HHIPL1: variants seen among roughly 807,000 people sequenced by gnomAD.
HHIPL1 encodes HHIP like 1.
In HHIPL1, 43 loss-of-function variants were observed where a neutral mutation model predicts 61.8. The observed-to-expected ratio is 0.70, with a 90% confidence interval of 0.55 to 0.90. The LOEUF (loss-of-function observed/expected upper bound fraction) is 0.90, where lower values mean the gene tolerates loss of function less well. HHIPL1 is among the 40% of genes least tolerant of loss of function. The probability of loss-of-function intolerance (pLI) is 0.00; values close to 1 mark genes in which losing one functional copy is unlikely to be tolerated. For synonymous variants in HHIPL1, 482 were observed against 515.8 expected, an observed-to-expected ratio of 0.93 and a Z score of 0.89; for missense variants, 1,056 against 1,157.7, an observed-to-expected ratio of 0.91 and a Z score of 1.28.
chr14:99,606,277 G>C, the HHIPL1 span, among the ~76,000 whole-genome samples: 1 of 152,186 alleles, frequency 6.6e-6, no homozygotes, highest in Non-Finnish European at 1.5e-5. Context: ...TGCTCTGCTG[G>C]TCCAGCACAG....
the HHIPL1 span, among the ~76,000 whole-genome samples, chr14:99,638,025 G>A: frequency 6.6e-6 from 1 of 152,228 alleles, no homozygotes; most frequent in Non-Finnish European, 1.5e-5. Context: ...GTGGTCAAAT[G>A]TTAGCACGGG....
rs1473964875 is a variant in HHIPL1 at position 99,659,493 on chromosome 14, G to T, written c.1112G>T (p.Gly371Val). ...CGTAAGGAGCGCGGCCTGCCCTACG[G>T]CATCCCGCCCGACAACCCGTTCGTG... is the stretch of plus-strand genomic sequence containing the variant. ...VDRKERGLPYGIPPDNPFVGD... is the reference protein window; with the variant it reads ...VDRKERGLPYVIPPDNPFVGD... The change falls in exon 4 of 9, where the codon GGC becomes GTC. Residue 371 changes from glycine to valine, a missense_variant. By Grantham distance (109) the Gly-to-Val change is moderately radical. Coordinates refer to ENST00000330710, the MANE Select transcript of HHIPL1 (RefSeq NM_001127258.3). The T allele has an allele frequency of 6.5e-7, 1 of 1,539,136 alleles. No homozygotes were observed. Among genetic ancestry groups the T allele is most frequent in the Non-Finnish European group, 8.7e-7 (1 of 1,147,482 alleles).
At chr14:99,610,712 G>C in the HHIPL1 span, among the ~76,000 whole-genome samples, 2 of 152,042 alleles carry the variant, frequency 1.3e-5, no homozygotes, top group African/African-American at 2.4e-5. Flanking sequence ...AGTGAGCAGA[G>C]ATCATGCCAC....
At chr14:99,647,624 C>T (rs528600021) in intron 1 of HHIPL1, among the ~76,000 whole-genome samples, 3 of 152,286 alleles carry the variant, frequency 2.0e-5, no homozygotes, top group Non-Finnish European at 2.9e-5. Flanking sequence ...TTAGAGACGG[C>T]GGCTGAGGCT....
chr14:99,646,823 ATATG>A (rs1566804803), intron 1 of HHIPL1, among the ~76,000 whole-genome samples: 578 of 66,600 alleles, frequency 8.7e-3, no homozygotes, highest in East Asian at 0.015. Flanking sequence ...ATATGATATG[ATATG>A]ATATGATATA....
chr14:99,662,786 CATGGATGGATGG>C lies in HHIPL1; in HGVS notation c.1503-75_1503-64del, dbSNP rs370684067. 6.6e-6 allele frequency: 8 copies of C among 1,213,248 alleles called. No homozygotes were observed. The African/African-American group carries it at 1.1e-4, about 16-fold the overall frequency. 75.2% of individuals were successfully genotyped at this position (1,213,248 alleles called of 1,614,324 possible). On this transcript the variant is annotated intron_variant, in intron 5 of 8. Transcript: ENST00000330710. Reference sequence around the variant, plus strand: ...GGAAGAAGGGAGGGAGGAATGGATACATGGATGGATGGATGGATGGATGGATTGGTGGGTAGG... The same window carrying C: ...GGAAGAAGGGAGGGAGGAATGGATACATGGATGGATGGATTGGTGGGTAGG...
Position 99,660,554 on chromosome 14 carries a change from C to A in HHIPL1, c.1502+148C>A. On this transcript the variant is annotated intron_variant, in intron 5 of 8. Coordinates refer to ENST00000330710, the MANE Select transcript of HHIPL1 (RefSeq NM_001127258.3). This position sits in a 1 kb window ranked among gnomAD's most constrained non-coding sequence, Gnocchi z 4.9. ...GGGCCCCTAGGTGTGGGCCGGACAC[C>A]CGCATCCACCCGCTTTTCTCCTGAG... The A allele has an allele frequency of 1.1e-6, 1 of 885,210 alleles. No individual in the cohort carries two copies. The highest frequency in any genetic ancestry group is 1.7e-6 in the Non-Finnish European group (1 of 572,018). 54.8% of individuals were successfully genotyped at this position (885,210 alleles called of 1,614,324 possible).
At chr14:99,621,857 A>C in the HHIPL1 span, among the ~76,000 whole-genome samples, 2 of 151,538 alleles carry the variant, frequency 1.3e-5, no homozygotes, top group East Asian at 3.9e-4. Context: ...CTGGGACCAC[A>C]GGTACGTGCC....
chr14:99,653,821 T>C (rs2055981015), intron 2 of HHIPL1, among the ~76,000 whole-genome samples: 1 of 152,218 alleles, frequency 6.6e-6, no homozygotes, highest in Admixed American at 6.5e-5. Context: ...CTAAGTCCAG[T>C]AGGAAATAAA....
chr14:99,665,612 G>A (rs922435679), intron 6 of HHIPL1, among the ~76,000 whole-genome samples: 2 of 152,116 alleles, frequency 1.3e-5, no homozygotes, highest in African/African-American at 4.8e-5. Context: ...TTTTTAAATA[G>A]TTTGTAGAGA....
the HHIPL1 span, among the ~76,000 whole-genome samples, chr14:99,604,809 G>C: frequency 6.6e-6 from 1 of 152,174 alleles, no homozygotes; most frequent in Non-Finnish European, 1.5e-5. Context: ...GTTCAGGGCA[G>C]TCGGAGACAC....
intron 7 of HHIPL1, among the ~76,000 whole-genome samples, chr14:99,670,342 C>A (rs1183217899): frequency 6.6e-6 from 1 of 152,196 alleles, no homozygotes; most frequent in Non-Finnish European, 1.5e-5. Flanking sequence ...AAACTCCTGA[C>A]CTCAAGTGAT....
At chr14:99,646,024 G>T (rs2055828038) in intron 1 of HHIPL1, among the ~76,000 whole-genome samples, 1 of 152,254 alleles carries the variant, frequency 6.6e-6, no homozygotes, top group African/African-American at 2.4e-5. Flanking sequence ...CTCTGTGGGT[G>T]CTGTGCCCTC....
chr14:99,608,439 C>T, the HHIPL1 span, among the ~76,000 whole-genome samples: 1 of 152,170 alleles, frequency 6.6e-6, no homozygotes, highest in African/African-American at 2.4e-5. Context: ...AACATGGGTT[C>T]TTATTGGCTG....
the HHIPL1 span, among the ~76,000 whole-genome samples, chr14:99,610,183 T>C: frequency 6.6e-6 from 1 of 152,202 alleles, no homozygotes; most frequent in Non-Finnish European, 1.5e-5. Flanking sequence ...AGGCTCAACA[T>C]ACTGGGGAAA....
At chr14:99,637,105 AAG>A in the HHIPL1 span, among the ~76,000 whole-genome samples, 71 of 135,144 alleles carry the variant, frequency 5.3e-4, no homozygotes, top group South Asian at 3.4e-3. Flanking sequence ...GGAAGGAAAA[AAG>A]AAAGAAAGAA....
Position 99,675,798 on chromosome 14 carries a change from C to A in HHIPL1, c.*172C>A. On this transcript the variant is annotated 3_prime_UTR_variant, in exon 9 of 9. Transcript: ENST00000330710. The surrounding 1 kb of genome is among the most constrained non-coding windows in gnomAD (Gnocchi z 5.4). ...GCAGTGCATGTGTGTCCTCTGCAGA[C>A]CCAAGGCAGGAGTGTGTGTTGGGGG... 1.7e-6 allele frequency: 1 copy of A among 597,350 alleles called. No homozygotes were observed. Among genetic ancestry groups the A allele is most frequent in the Non-Finnish European group, 2.7e-6 (1 of 369,292 alleles). 37.0% of individuals were successfully genotyped at this position (597,350 alleles called of 1,614,324 possible).
intron 1 of HHIPL1, among the ~76,000 whole-genome samples, chr14:99,646,827 G>GATATAATATA (rs1315968412): frequency 2.7e-4 from 23 of 84,878 alleles, no homozygotes; most frequent in Non-Finnish European, 5.3e-4. Flanking sequence ...GATATGATAT[G>GATATAATATA]ATATGATATA....
At chr14:99,636,376 C>T in the HHIPL1 span, among the ~76,000 whole-genome samples, 6 of 152,296 alleles carry the variant, frequency 3.9e-5, no homozygotes, top group African/African-American at 9.6e-5. Context: ...TGACATGAGG[C>T]CCGCATGACG....
Sources: gnomAD v4.1 joint callset for allele counts (sites outside exome capture counted in the v4.1 genomes callset) on GRCh38, gnomAD v4.1.1 for gene constraint, Gnocchi (gnomAD v3.1) non-coding constraint, MANE v1.5 for transcripts, NCBI Gene and HGNC (gene_info 2026-07-23, HGNC 2026-07-21) for gene names.